Variants in TTF1 observed in about 807,000 individuals in gnomAD.
TTF1 encodes transcription termination factor, RNA polymerase I.
Under a neutral mutation model 80.2 loss-of-function variants are expected in TTF1, and 64 were observed. The observed-to-expected ratio is 0.80, with a 90% CI of 0.65 to 0.98. The LOEUF (loss-of-function observed/expected upper bound fraction) is 0.98. Among genes scored for constraint, TTF1 ranks in the 50% least tolerant of loss-of-function variants. The probability of loss-of-function intolerance (pLI) is 0.00; values close to 1 mark genes in which losing one functional copy is unlikely to be tolerated. For missense variants in TTF1, 1,023 were observed against 1,086.2 expected (o/e 0.94, Z 0.82); for synonymous variants, 372 against 382.7 (o/e 0.97, Z 0.33).
chr9:132,377,578 GGTGTGT>G (rs138655437), intron 10 of TTF1, among the ~76,000 whole-genome samples: 3 of 18,636 alleles, frequency 1.6e-4, no homozygotes, highest in Admixed American at 8.8e-4. Context: ...GAGTGCATGT[GGTGTGT>G]GTGAGTGCAT....
chr9:132,398,085 C>T, intron 4 of TTF1, 56 bp downstream of exon 4: 1 of 1,458,418 alleles, frequency 6.9e-7, no homozygotes, highest in Non-Finnish European at 9.1e-7. Context: ...CATGGGTTAT[C>T]TTGTTTATGG....
chr9:132,405,016 G>A (rs1849838999), intron 1 of TTF1, among the ~76,000 whole-genome samples: 1 of 151,142 alleles, frequency 6.6e-6, no homozygotes, highest in Non-Finnish European at 1.5e-5. Context: ...CTCCCGAGTA[G>A]CTGGGACTAC....
Position 132,382,241 on chromosome 9 carries a change from CTCACA to C in TTF1, c.2379-3102_2379-3098del, listed in dbSNP as rs578210752. ...ACAAGAGCCATGTTCAATCTCACTT[CTCACA>C]TGAGAAATGCAAATGAAAACCACAA... On this transcript the variant is annotated intron_variant, in intron 9 of 10. Transcript: ENST00000334270. Among the ~76,000 whole-genome samples the C allele has an allele frequency of 1.1e-4, 17 of 152,198 alleles. No homozygotes were observed. The East Asian group carries it at 2.9e-3, about 26-fold the overall frequency.
chr9:132,386,573 A>T lies in TTF1; in HGVS notation c.2361T>A (p.Asp787Glu). The T allele has an allele frequency of 6.2e-7, 1 of 1,612,478 alleles. No individual in the cohort carries two copies. Among genetic ancestry groups the T allele is most frequent in the Middle Eastern group, 1.7e-4 (1 of 6,058 alleles). The change falls in exon 9 of 11, where the codon GAT (aspartate) becomes GAA (glutamate). Residue 787 changes from aspartate to glutamate, a missense_variant. Asp to Glu is a conservative substitution (Grantham distance 45). Transcript: ENST00000334270. ...VEDTNEIDWE[D>E]LASAIGDVPP... ...GGTCTTACCCTATGGCACTAGCAAGATCTTCCCAGTCTATTTCATTAGTAT... is the reference window on the plus strand; with the variant it reads ...GGTCTTACCCTATGGCACTAGCAAGTTCTTCCCAGTCTATTTCATTAGTAT...
At chr9:132,395,927 C>T (rs138727245) in intron 5 of TTF1, among the ~76,000 whole-genome samples, 2 of 152,112 alleles carry the variant, frequency 1.3e-5, no homozygotes, top group African/African-American at 4.8e-5. Context: ...AATTATAATC[C>T]GATATTGTAT....
intron 1 of TTF1, among the ~76,000 whole-genome samples, chr9:132,405,310 T>C (rs1849846381): frequency 6.6e-6 from 1 of 152,244 alleles, no homozygotes; most frequent in Non-Finnish European, 1.5e-5. Flanking sequence ...GTTCAAGCGA[T>C]TCTCCTGCCT....
chr9:132,378,115 G>A (rs1849270251), intron 10 of TTF1, among the ~76,000 whole-genome samples: 1 of 127,832 alleles, frequency 7.8e-6, no homozygotes, highest in Non-Finnish European at 1.7e-5. Flanking sequence ...TGGTGTGTGT[G>A]AGTGCATGCA....
rs1270350152 is a variant in TTF1, at chr9:132,401,797, T to C, written c.1025A>G (p.Gln342Arg). 6.2e-7 allele frequency: 1 copy of C among 1,613,988 alleles called. No individual in the cohort carries two copies. The highest frequency in any genetic ancestry group is 8.5e-7 in the Non-Finnish European group (1 of 1,180,024). ...SKKKKKKSNHQEFEAVAMPES... is the reference protein window; with the variant it reads ...SKKKKKKSNHREFEAVAMPES... ...AGGCATGGCCACTGCCTCAAATTCC[T>C]GGTGATTGGACTTTTTCTTTTTTTT... is the stretch of plus-strand genomic sequence containing the variant. Residue 342 changes from glutamine (Q) to arginine (R), a missense_variant, in exon 2 of 11, where the codon CAG (glutamine) becomes CGG (arginine). Coordinates refer to ENST00000334270, the MANE Select transcript of TTF1 (RefSeq NM_007344.4).
At chr9:132,376,537 T>G (rs1849180243) in intron 10 of TTF1, among the ~76,000 whole-genome samples, 1 of 152,086 alleles carries the variant, frequency 6.6e-6, no homozygotes, top group African/African-American at 2.4e-5. Context: ...GAAATACCAG[T>G]GCCGTGCAGA....
Position 132,401,935 on chromosome 9 carries a change from C to T in TTF1, c.887G>A (p.Gly296Glu). The change falls in exon 2 of 11, where the codon GGA (glycine) becomes GAA (glutamate). Residue 296 changes from glycine (G) to glutamate (E), a missense_variant. Coordinates refer to ENST00000334270, the MANE Select transcript of TTF1 (RefSeq NM_007344.4). The part of the protein sequence containing the change: ...QEFEALAMPE[G>E]SQVGSEVGAD... The stretch of plus-strand genomic sequence containing the variant: ...CCCAACCTCACTGCCCACTTGTGAT[C>T]CTTCAGGCATGGCCAATGCCTCAAA... 5 of 1,611,140 alleles carry T rather than the reference C, an allele frequency of 3.1e-6. No homozygotes were observed. Among genetic ancestry groups the T allele is most frequent in the Non-Finnish European group, 4.2e-6 (5 of 1,178,804 alleles).
chr9:132,390,494 C>G, intron 7 of TTF1, 103 bp downstream of exon 7: 1 of 1,153,958 alleles, frequency 8.7e-7, no homozygotes, highest in Non-Finnish European at 1.3e-6. Context: ...CACGATTGTT[C>G]TTGACACGTC....
chr9:132,377,630 TGTGGTGCGTGTGAATGCATGTG>T (rs1849237316), intron 10 of TTF1, among the ~76,000 whole-genome samples: 1 of 121,050 alleles, frequency 8.3e-6, no homozygotes, highest in Admixed American at 8.7e-5. Flanking sequence ...TGTGAGTGCA[TGTGGTGCGTGTGAATGCATGTG>T]GTGTGTGTGA....
intron 6 of TTF1, among the ~76,000 whole-genome samples, chr9:132,391,042 A>G (rs1176512098): frequency 1.3e-5 from 2 of 152,266 alleles, no homozygotes; most frequent in African/African-American, 4.8e-5. Context: ...AAATTATTCA[A>G]TAAGTCCTTT....
At position 132,388,135 on chromosome 9, in the gene TTF1, A is replaced by G; in HGVS notation, c.2312+4T>C. 6.2e-7 allele frequency: 1 copy of G among 1,607,536 alleles called. No homozygotes were observed. The highest frequency in any genetic ancestry group is 8.5e-7 in the Non-Finnish European group (1 of 1,175,628). ...TAAGAGGCATCCGTTTCTATTTTTC[A>G]TACCTTTCAATAAGGCTGACCTTGG... On this transcript the variant is annotated splice_donor_region_variant and intron_variant, in intron 8 of 10. Coordinates refer to ENST00000334270, the MANE Select transcript of TTF1 (RefSeq NM_007344.4).
chr9:132,405,298 G>A (rs1194321864), intron 1 of TTF1, among the ~76,000 whole-genome samples: 4 of 152,010 alleles, frequency 2.6e-5, no homozygotes, highest in Admixed American at 6.6e-5. Context: ...TCCGCCTCCC[G>A]GGTTCAAGCG....
chr9:132,394,749 T>C (rs1455272784), intron 5 of TTF1, among the ~76,000 whole-genome samples: 1 of 151,328 alleles, frequency 6.6e-6, no homozygotes, highest in Non-Finnish European at 1.5e-5. Flanking sequence ...AAAAATTAGC[T>C]GGGTGTGGTG....
chr9:132,402,864 C>CTTTTTTTTTTTTTTTTTTTTTTTTT (rs754648399), intron 1 of TTF1, 36 bp from the exon 2 acceptor site: 1 of 1,511,946 alleles, frequency 6.6e-7, no homozygotes, highest in Non-Finnish European at 8.8e-7. Context: ...TTTATTTTTG[C>CTTTTTTTTTTTTTTTTTTTTTTTTT]TTTTTTTTTG....
chr9:132,385,153 G>A (rs1481929107), intron 9 of TTF1, among the ~76,000 whole-genome samples: 1 of 152,082 alleles, frequency 6.6e-6, no homozygotes, highest in Non-Finnish European at 1.5e-5. Context: ...ACGGGGTCTC[G>A]GCAGGGTAAC....
At chr9:132,396,174 C>T (rs1849644505) in intron 5 of TTF1, among the ~76,000 whole-genome samples, 1 of 152,156 alleles carries the variant, frequency 6.6e-6, no homozygotes, top group Non-Finnish European at 1.5e-5. Flanking sequence ...GCACATGAAG[C>T]AGCATATGGG....
Sources: gnomAD v4.1 joint callset for allele counts (sites outside exome capture counted in the v4.1 genomes callset) on GRCh38, gnomAD v4.1.1 for gene constraint, MANE v1.5 for transcripts, NCBI Gene and HGNC (gene_info 2026-07-23, HGNC 2026-07-21) for gene names.